ARHGAP26: variants seen among roughly 807,000 people sequenced by gnomAD.
The protein encoded by ARHGAP26 is rho GTPase-activating protein 26.
Under a neutral mutation model 104.8 loss-of-function variants are expected in ARHGAP26, and 38 were observed. The ratio of observed to expected loss-of-function variants is 0.36; its 90% CI spans 0.28 to 0.48. The LOEUF is 0.48. Among genes scored for constraint, ARHGAP26 ranks in the 20% least tolerant of loss-of-function variants. The pLI, the probability that ARHGAP26 is intolerant of heterozygous loss-of-function variation, is 0.99. For missense variants in ARHGAP26, 704 were observed against 947.9 expected (o/e 0.74, Z 3.38); for synonymous variants, 341 against 340.0 (o/e 1.00, Z -0.03).
intron 11 of ARHGAP26, among the ~76,000 whole-genome samples, chr5:143,003,530 A>G (rs1398862857): frequency 6.6e-6 from 1 of 152,222 alleles, no homozygotes; most frequent in African/African-American, 2.4e-5. Flanking sequence ...CCTGCCCCAT[A>G]GAAATGTAAA....
intron 20 of ARHGAP26, among the ~76,000 whole-genome samples, chr5:143,206,512 G>T (rs1489575800): frequency 6.6e-6 from 1 of 152,122 alleles, no homozygotes; most frequent in Non-Finnish European, 1.5e-5. Flanking sequence ...TTCCCTCTGG[G>T]GCTTTTTCTT....
chr5:142,806,081 G>T (rs1762932941), intron 1 of ARHGAP26, among the ~76,000 whole-genome samples: 1 of 152,098 alleles, frequency 6.6e-6, no homozygotes, highest in Non-Finnish European at 1.5e-5. Flanking sequence ...TACTGTTTTG[G>T]AATAATGAAG....
At chr5:143,183,269 T>A (rs1017567527) in intron 20 of ARHGAP26, among the ~76,000 whole-genome samples, 6 of 152,112 alleles carry the variant, frequency 3.9e-5, no homozygotes, top group African/African-American at 1.4e-4. Context: ...TGGAAGGTTT[T>A]CTGTGATTCC....
chr5:142,803,569 G>T (rs1018272871), intron 1 of ARHGAP26, among the ~76,000 whole-genome samples: 2 of 152,190 alleles, frequency 1.3e-5, no homozygotes, highest in African/African-American at 2.4e-5. Flanking sequence ...AAATAAGCCG[G>T]ACGGAAATCT....
At chr5:142,819,557 C>T (rs2152066996) in intron 1 of ARHGAP26, among the ~76,000 whole-genome samples, 1 of 152,258 alleles carries the variant, frequency 6.6e-6, no homozygotes, top group South Asian at 2.1e-4. Context: ...CCATGCATGC[C>T]TCATAAAATC....
rs1554172221 is a variant in ARHGAP26, at chr5:142,963,188, A to ATATATG, written c.1107+31068_1107+31069insGTATAT. Among the ~76,000 whole-genome samples, 10 of 109,778 alleles carry ATATATG rather than the reference A, an allele frequency of 9.1e-5. 1 individual carries two copies. The highest frequency in any genetic ancestry group is 5.1e-4 in the African/African-American group (10 of 19,526). The allele number at this position is 109,778 out of a possible 152,430, so 72.0% of individuals were successfully genotyped here. On this transcript the variant is annotated intron_variant, in intron 11 of 22. Transcript: ENST00000645722. The stretch of plus-strand genomic sequence containing the variant: ...GGTATATATGTATATATATATATAT[A>ATATATG]TATATATATATGTGTGTGTGTGTGT...
At chr5:142,909,558 G>A (rs553273228) in intron 9 of ARHGAP26, among the ~76,000 whole-genome samples, 13 of 152,258 alleles carry the variant, frequency 8.5e-5, no homozygotes, top group African/African-American at 3.1e-4. Context: ...CAGCATCTCT[G>A]TTCCTTCCCT....
chr5:143,110,872 T>C (rs1794697455), intron 17 of ARHGAP26, among the ~76,000 whole-genome samples: 1 of 152,242 alleles, frequency 6.6e-6, no homozygotes, highest in Non-Finnish European at 1.5e-5. Flanking sequence ...AGCTGAAGCC[T>C]AAACTGTCCA....
intron 1 of ARHGAP26, among the ~76,000 whole-genome samples, chr5:142,843,348 A>G (rs1425420432): frequency 6.6e-6 from 1 of 152,220 alleles, no homozygotes; most frequent in Non-Finnish European, 1.5e-5. Flanking sequence ...GAGTTCAGGG[A>G]TGCAGGGACA....
chr5:142,773,558 A>G lies in ARHGAP26; in HGVS notation c.154+2643A>G, dbSNP rs570605066. Reference sequence around the variant, plus strand: ...GATCTAGATCCCGTAAAGGAGAAACATGCAGCAGGTGCTTGATTAAGTGAA... The same window carrying G: ...GATCTAGATCCCGTAAAGGAGAAACGTGCAGCAGGTGCTTGATTAAGTGAA... On this transcript the variant is annotated intron_variant, in intron 1 of 22. Coordinates refer to ENST00000645722, the MANE Select transcript of ARHGAP26 (RefSeq NM_001135608.3). Among the ~76,000 whole-genome samples the G allele has an allele frequency of 4.6e-5, 7 of 152,360 alleles. No homozygotes were observed. In the South Asian group the frequency reaches 1.4e-3, roughly 32 times the overall value.
At chr5:142,973,424 T>C (rs76492132) in intron 11 of ARHGAP26, among the ~76,000 whole-genome samples, 9,328 of 152,310 alleles carry the variant, frequency 0.061, 369 homozygotes, top group African/African-American at 0.12. Flanking sequence ...GTTTATGAAG[T>C]CTGTGCACAT....
intron 1 of ARHGAP26, among the ~76,000 whole-genome samples, chr5:142,809,636 C>T (rs1250413419): frequency 6.6e-6 from 1 of 152,212 alleles, no homozygotes; most frequent in African/African-American, 2.4e-5. Flanking sequence ...ATTATTTATA[C>T]AGTTGCTAGC....
At chr5:142,891,867 A>G (rs1398805282) in intron 5 of ARHGAP26, among the ~76,000 whole-genome samples, 1 of 151,952 alleles carries the variant, frequency 6.6e-6, no homozygotes, top group Non-Finnish European at 1.5e-5. Flanking sequence ...CTTTCAGTGT[A>G]ATTATCTGCT....
rs1021520288 is a variant in ARHGAP26 at position 143,222,684 on chromosome 5, T to G, written c.*238T>G. 1 of 365,328 alleles carries G rather than the reference T, an allele frequency of 2.7e-6. No homozygotes were observed. The highest frequency in any genetic ancestry group is 2.0e-5 in the African/African-American group (1 of 48,790). The allele number at this position is 365,328 out of a possible 1,614,324, so 22.6% of individuals were successfully genotyped here. A position where few individuals can be genotyped will look rare whatever the true frequency, so the allele number is the denominator to read the frequency against. On this transcript the variant is annotated 3_prime_UTR_variant, in exon 23 of 23. Transcript: ENST00000645722. Reference sequence around the variant, plus strand: ...TCAGCAGAGGAGAGCATTTGATAACTAAGAGGAAGACTTGCAAAGCCGTTT... The same window carrying G: ...TCAGCAGAGGAGAGCATTTGATAACGAAGAGGAAGACTTGCAAAGCCGTTT...
At chr5:143,102,471 C>T (rs1319776567) in intron 17 of ARHGAP26, among the ~76,000 whole-genome samples, 2 of 152,180 alleles carry the variant, frequency 1.3e-5, no homozygotes, top group Non-Finnish European at 1.5e-5. Context: ...CTTTTTCCTC[C>T]CCTAACTCAG....
At chr5:142,876,467 A>T (rs960280716) in intron 3 of ARHGAP26, among the ~76,000 whole-genome samples, 6 of 152,026 alleles carry the variant, frequency 3.9e-5, no homozygotes, top group African/African-American at 1.5e-4. Context: ...AGTCTGCATT[A>T]TATTAAAAAA....
chr5:142,873,602 CAAA>C (rs1755648652), intron 2 of ARHGAP26, 107 bp downstream of exon 2: 9 of 711,008 alleles, frequency 1.3e-5, no homozygotes, highest in Non-Finnish European at 1.9e-5. Context: ...GGTTAGTAAA[CAAA>C]GAAGTCCTTA....
At chr5:143,104,026 A>AG (rs1361616879) in intron 17 of ARHGAP26, among the ~76,000 whole-genome samples, 1 of 148,816 alleles carries the variant, frequency 6.7e-6, no homozygotes, top group African/African-American at 2.6e-5. Context: ...ATAGACCTAG[A>AG]GAAAAAAAAA....
intron 17 of ARHGAP26, among the ~76,000 whole-genome samples, chr5:143,107,848 A>G (rs1794234694): frequency 6.6e-6 from 1 of 152,220 alleles, no homozygotes; most frequent in Non-Finnish European, 1.5e-5. Flanking sequence ...TGGTAGCAGA[A>G]TTCAATGAGT....
Sources: allele counts gnomAD v4.1 joint callset (sites outside exome capture counted in the v4.1 genomes callset), GRCh38; gene constraint gnomAD v4.1.1; transcripts MANE v1.5; gene names NCBI Gene and HGNC (gene_info 2026-07-23, HGNC 2026-07-21).